Variants in USP14 observed in about 807,000 individuals in gnomAD.
USP14 encodes the protein ubiquitin specific peptidase 14.
In USP14, 38 loss-of-function variants were observed where a neutral mutation model predicts 76.5. The observed-to-expected ratio is 0.50, with a 90% CI of 0.38 to 0.65. USP14 has a LOEUF of 0.65. Ranked by LOEUF, USP14 falls within the 30% of genes least tolerant of loss-of-function variation. The probability of loss-of-function intolerance (pLI) is 0.00; values close to 1 mark genes in which losing one functional copy is unlikely to be tolerated. For missense variants in USP14, 467 were observed against 586.5 expected (o/e 0.80, Z 2.10); for synonymous variants, 192 against 191.7 (o/e 1.00, Z -0.01).
At chr18:178,814 A>G (rs1345512412) in intron 3 of USP14, 119 bp from the exon 4 acceptor site, 1 of 666,358 alleles carries the variant, frequency 1.5e-6, no homozygotes, top group African/African-American at 1.8e-5. Flanking sequence ...CTGCAGATTT[A>G]CTTTTTTTGG....
intron 5 of USP14, among the ~76,000 whole-genome samples, chr18:188,021 G>A (rs1031998416): frequency 5.3e-5 from 8 of 151,912 alleles, no homozygotes; most frequent in Non-Finnish European, 4.4e-5. Context: ...TGTTTCTTTC[G>A]TGCTTCACTG....
chr18:163,687 A>G (rs149087925), intron 2 of USP14, among the ~76,000 whole-genome samples: 6 of 152,172 alleles, frequency 3.9e-5, no homozygotes, highest in African/African-American at 1.4e-4. Context: ...AACTCTTTTT[A>G]CTTTTGTTTA....
intron 5 of USP14, among the ~76,000 whole-genome samples, chr18:181,358 T>G (rs1306826616): frequency 6.6e-6 from 1 of 152,214 alleles, no homozygotes; most frequent in Non-Finnish European, 1.5e-5. Context: ...TGTCTTTGAT[T>G]AAGCCATCTA....
In USP14 at chr18:178,978, G is replaced by A; in HGVS notation, c.241G>A (p.Glu81Lys). The change falls in exon 4 of 16, where the codon GAA becomes AAA. Residue 81 changes from glutamate (E) to lysine (K), a missense_variant. Transcript: ENST00000261601. ...MMGSADALPE[E>K]PSAKTVFVED... is the part of the protein sequence containing the mutation. ...GGGGTCAGCAGATGCTCTTCCAGAAGAACCCTCAGCCAAAACTGTCTTCGT... is the reference window on the plus strand; with the variant it reads ...GGGGTCAGCAGATGCTCTTCCAGAAAAACCCTCAGCCAAAACTGTCTTCGT... 6.2e-7 allele frequency: 1 copy of A among 1,613,328 alleles called. No homozygotes were observed. The highest frequency in any genetic ancestry group is 8.5e-7 in the Non-Finnish European group (1 of 1,179,708).
intron 1 of USP14, among the ~76,000 whole-genome samples, chr18:159,698 A>G (rs1909062669): frequency 6.6e-6 from 1 of 152,234 alleles, no homozygotes; most frequent in South Asian, 2.1e-4. Context: ...AAGCCATAAC[A>G]ACAGTAGAAT....
chr18:197,391 G>C (rs1433166429), intron 7 of USP14, among the ~76,000 whole-genome samples: 3 of 152,124 alleles, frequency 2.0e-5, no homozygotes, highest in African/African-American at 7.2e-5. Flanking sequence ...ATTATGCTGA[G>C]TATCTAGTAC....
rs150098659 is a variant in USP14, at chr18:197,730, G to A, written c.675+34G>A. 1.3e-4 allele frequency: 204 copies of A among 1,529,614 alleles called. No individual in the cohort carries two copies. In the African/African-American group the frequency reaches 2.7e-3, roughly 20 times the overall value. The allele number at this position is 1,529,614 out of a possible 1,614,324, so 94.8% of individuals were successfully genotyped here. On this transcript the variant is annotated intron_variant, in intron 8 of 15. Coordinates refer to ENST00000261601, the MANE Select transcript of USP14 (RefSeq NM_005151.4). ...AATATATTTGTGATTATAGACTTTC[G>A]TTATACCTTGATTTTTTTTTTTATT...
intron 3 of USP14, among the ~76,000 whole-genome samples, chr18:169,381 AAG>A (rs1909377256): frequency 6.6e-6 from 1 of 150,956 alleles, no homozygotes; most frequent in Non-Finnish European, 1.5e-5. Flanking sequence ...AAAAAAAAAA[AAG>A]AGTGGACATC....
chr18:158,770 G>C, intron 1 of USP14, 56 bp downstream of exon 1: 2 of 1,419,498 alleles, frequency 1.4e-6, no homozygotes, highest in African/African-American at 1.5e-5. Flanking sequence ...AGGCCTCCGC[G>C]TAGGCCTGGC....
intron 2 of USP14, among the ~76,000 whole-genome samples, chr18:164,435 C>G (rs368695998): frequency 1.3e-5 from 2 of 151,794 alleles, no homozygotes; most frequent in Non-Finnish European, 1.5e-5. Flanking sequence ...TGCATCCTAC[C>G]CATTAACGAA....
At chr18:161,818 A>G (rs776128176) in intron 1 of USP14, among the ~76,000 whole-genome samples, 4 of 152,204 alleles carry the variant, frequency 2.6e-5, no homozygotes, top group Non-Finnish European at 5.9e-5. Context: ...AAAAATATAT[A>G]TTTCAAAAGT....
intron 3 of USP14, among the ~76,000 whole-genome samples, chr18:171,261 GCTGT>G (rs1479418837): frequency 1.1e-4 from 17 of 151,838 alleles, no homozygotes. Context: ...GGAAAAAGAT[GCTGT>G]CTAAGCCTTT....
intron 5 of USP14, among the ~76,000 whole-genome samples, chr18:180,932 C>A (rs1240874305): frequency 6.6e-6 from 1 of 151,142 alleles, no homozygotes; most frequent in African/African-American, 2.4e-5. Context: ...ACTCACGTTA[C>A]AGCACACGTA....
In USP14 at chr18:213,439, C is replaced by T. The variant is rs1257611302; in HGVS notation, c.*2155C>T. On this transcript the variant is annotated 3_prime_UTR_variant, in exon 16 of 16. Coordinates refer to ENST00000261601, the MANE Select transcript of USP14 (RefSeq NM_005151.4). ...AAGTAGAAATGGGAGTTAGTTATAC[C>T]AGTGTTGTTTTTAACTAATAAGGCT... 6.6e-6 allele frequency: 1 copy of T among 151,472 alleles called. No homozygotes were observed. The highest frequency in any genetic ancestry group is 1.5e-5 in the Non-Finnish European group (1 of 67,870). The allele number at this position is 151,472 out of a possible 1,614,324, so 9.4% of individuals were successfully genotyped here. A position where few individuals can be genotyped will look rare whatever the true frequency, so the allele number is the denominator to read the frequency against.
intron 10 of USP14, among the ~76,000 whole-genome samples, chr18:202,418 C>T (rs1381254360): frequency 1.3e-5 from 2 of 152,156 alleles, no homozygotes; most frequent in African/African-American, 4.8e-5. Flanking sequence ...ACAGAGGTTT[C>T]TGTGTTATGA....
At chr18:158,766 C>T in intron 1 of USP14, 52 bp downstream of exon 1, 5 of 1,424,372 alleles carry the variant, frequency 3.5e-6, no homozygotes, top group South Asian at 1.5e-5. Flanking sequence ...CGCTAGGCCT[C>T]CGCGTAGGCC....
intron 3 of USP14, among the ~76,000 whole-genome samples, chr18:173,273 AT>A (rs1213978975): frequency 2.7e-5 from 4 of 149,462 alleles, no homozygotes; most frequent in South Asian, 4.3e-4. Context: ...ACACCCGGCT[AT>A]TTTTTTTGTA....
chr18:179,222 A>C (rs1909712849), intron 4 of USP14, among the ~76,000 whole-genome samples, 185 bp downstream of exon 4: 1 of 152,174 alleles, frequency 6.6e-6, no homozygotes, highest in Non-Finnish European at 1.5e-5. Flanking sequence ...TCTGTAGTTA[A>C]ATAAGGCACA....
At position 202,929 on chromosome 18, in the gene USP14, C is replaced by T. The variant is rs1276988317; in HGVS notation, c.926C>T (p.Ala309Val). ...TKQSPTLQRNALYIKSSKISR... is the reference protein window; with the variant it reads ...TKQSPTLQRNVLYIKSSKISR... ...CAGTCTCCAACGTTGCAAAGAAATG[C>T]CTTGTATATCAAATCTGTAAGTTAT... is the stretch of plus-strand genomic sequence containing the variant. Residue 309 changes from alanine to valine, a missense_variant, in exon 11 of 16, where the codon GCC becomes GTC. Physicochemically the swap from Ala to Val is moderately conservative, Grantham distance 64 (BLOSUM62 0). Coordinates refer to ENST00000261601, the MANE Select transcript of USP14 (RefSeq NM_005151.4). 3.7e-6 allele frequency: 6 copies of T among 1,613,954 alleles called. No individual in the cohort carries two copies. The highest frequency in any genetic ancestry group is 4.2e-6 in the Non-Finnish European group (5 of 1,179,972).
Sources: allele counts gnomAD v4.1 joint callset (sites outside exome capture counted in the v4.1 genomes callset), GRCh38; gene constraint gnomAD v4.1.1; transcripts MANE v1.5; gene names NCBI Gene and HGNC (gene_info 2026-07-23, HGNC 2026-07-21).